SUMF1: variants seen among roughly 807,000 people sequenced by gnomAD.
SUMF1 encodes formylglycine-generating enzyme.
In SUMF1, 48 loss-of-function variants were observed where a neutral mutation model predicts 47.6. That is an observed-to-expected ratio of 1.01 (90% CI 0.80 to 1.28). SUMF1 has a LOEUF of 1.28. Among genes scored for constraint, SUMF1 ranks in the 50% most tolerant of loss-of-function variants. SUMF1 has a pLI of 0.00. For synonymous variants in SUMF1, 230 were observed against 192.1 expected, an observed-to-expected ratio of 1.20 and a Z score of -1.63; for missense variants, 571 against 485.4, an observed-to-expected ratio of 1.18 and a Z score of -1.66.
chr3:4,316,933 A>G, intron 8 of SUMF1: 1 of 1,549,422 alleles, frequency 6.5e-7, no homozygotes, highest in African/African-American at 1.4e-5. Context: ...GTCAACAGAA[A>G]GGGCCCAATT....
intron 1 of SUMF1, among the ~76,000 whole-genome samples, 155 bp downstream of exon 1, chr3:4,466,821 G>A (rs929044347): frequency 2.6e-5 from 4 of 152,292 alleles, no homozygotes; most frequent in South Asian, 2.1e-4. Context: ...GGTGAGGCAC[G>A]GAGAAGGAAC....
At chr3:4,067,048 A>C (rs922712316) in intron 9 of SUMF1, among the ~76,000 whole-genome samples, 1 of 152,114 alleles carries the variant, frequency 6.6e-6, no homozygotes, top group Non-Finnish European at 1.5e-5. Context: ...AGGACCAGTC[A>C]CCTCACTGAA....
chr3:4,175,076 GC>G (rs976171375), intron 8 of SUMF1, among the ~76,000 whole-genome samples: 3 of 152,196 alleles, frequency 2.0e-5, no homozygotes, highest in African/African-American at 4.8e-5. Context: ...AAGGCCTACT[GC>G]CTCTAGACTC....
chr3:4,043,570 T>C (rs1694948745), intron 9 of SUMF1, among the ~76,000 whole-genome samples: 1 of 152,108 alleles, frequency 6.6e-6, no homozygotes, highest in Non-Finnish European at 1.5e-5. Context: ...TTACCATGGC[T>C]CTGGACTTGC....
chr3:4,466,841 G>C (rs1575265676), intron 1 of SUMF1, 135 bp downstream of exon 1: 9 of 1,341,280 alleles, frequency 6.7e-6, no homozygotes, highest in South Asian at 2.9e-5. Flanking sequence ...CTCCTCATAC[G>C]GGAACAGCAG....
chr3:4,463,150 A>C lies in SUMF1; in HGVS notation c.270+3826T>G, dbSNP rs1028751318. 2.6e-5 allele frequency among the ~76,000 whole-genome samples: 4 copies of C among 152,234 alleles called. No homozygotes were observed. The East Asian group carries it at 7.7e-4, about 29-fold the overall frequency. On this transcript the variant is annotated intron_variant, in intron 1 of 8. Transcript: ENST00000272902. Reference sequence around the variant, plus strand: ...GCACGTGGGGGATATAGAGATTAAAACATCTAAAAATGCTTCCAATGTAGA... The same window carrying C: ...GCACGTGGGGGATATAGAGATTAAACCATCTAAAAATGCTTCCAATGTAGA...
chr3:4,098,503 C>G (rs1330972589), intron 8 of SUMF1, among the ~76,000 whole-genome samples: 2 of 152,096 alleles, frequency 1.3e-5, no homozygotes, highest in Non-Finnish European at 2.9e-5. Flanking sequence ...TCTTCTATCT[C>G]CAGACACCAG....
chr3:4,237,987 G>A (rs973792737), intron 8 of SUMF1, among the ~76,000 whole-genome samples: 1 of 151,318 alleles, frequency 6.6e-6, no homozygotes, highest in African/African-American at 2.4e-5. Flanking sequence ...GTTTCCATGT[G>A]TTCTCATTGT....
intron 9 of SUMF1, among the ~76,000 whole-genome samples, chr3:4,036,443 T>C (rs1292123132): frequency 6.6e-6 from 1 of 152,084 alleles, no homozygotes; most frequent in African/African-American, 2.4e-5. Flanking sequence ...GAAAATTTTC[T>C]GTTGACTTTT....
intron 8 of SUMF1, among the ~76,000 whole-genome samples, chr3:4,127,092 A>C (rs990540887): frequency 6.6e-6 from 1 of 152,186 alleles, no homozygotes; most frequent in Non-Finnish European, 1.5e-5. Context: ...ATTTAAGCAA[A>C]TAATAACTAA....
At chr3:4,440,050 A>G (rs995057457) in intron 3 of SUMF1, among the ~76,000 whole-genome samples, 1 of 152,152 alleles carries the variant, frequency 6.6e-6, no homozygotes, top group Non-Finnish European at 1.5e-5. Context: ...CCTAGCCAAC[A>G]TGGTGAAACC....
At chr3:4,165,871 C>A (rs115001176) in intron 8 of SUMF1, among the ~76,000 whole-genome samples, 27,774 of 146,992 alleles carry the variant, frequency 0.19, 3,376 homozygotes, top group Middle Eastern at 0.27. Context: ...TTCCCCCCCC[C>A]CCCCGAGCAA....
chr3:4,465,185 G>A (rs539416078), intron 1 of SUMF1, among the ~76,000 whole-genome samples: 2 of 152,286 alleles, frequency 1.3e-5, no homozygotes, highest in South Asian at 2.1e-4. Flanking sequence ...CTTAGAAAGA[G>A]GGACAGACTG....
intron 8 of SUMF1, among the ~76,000 whole-genome samples, chr3:4,327,203 T>G (rs1254388695): frequency 6.6e-6 from 1 of 152,206 alleles, no homozygotes; most frequent in East Asian, 1.9e-4. Context: ...ATTTCAGTCC[T>G]CTATTAGTTC....
At chr3:4,452,719 C>T (rs1417179948) in intron 2 of SUMF1, among the ~76,000 whole-genome samples, 157 bp downstream of exon 2, 1 of 152,186 alleles carries the variant, frequency 6.6e-6, no homozygotes, top group Non-Finnish European at 1.5e-5. Context: ...CATGGGGTTG[C>T]TGTGAGAAAT....
chr3:4,318,715 C>A (rs1698749845), intron 8 of SUMF1, among the ~76,000 whole-genome samples: 1 of 152,106 alleles, frequency 6.6e-6, no homozygotes, highest in African/African-American at 2.4e-5. Context: ...CAAGACCAGC[C>A]TGGCCAATAT....
chr3:4,454,681 T>A (rs1703094247), intron 1 of SUMF1, among the ~76,000 whole-genome samples: 2 of 152,228 alleles, frequency 1.3e-5, no homozygotes, highest in Admixed American at 1.3e-4. Flanking sequence ...AATCCAAATG[T>A]ATATCAGCTG....
chr3:4,051,019 T>A, intron 9 of SUMF1, among the ~76,000 whole-genome samples: 1 of 151,980 alleles, frequency 6.6e-6, no homozygotes, highest in Non-Finnish European at 1.5e-5. Context: ...TTGTTGATTG[T>A]CTACCCGCTA....
chr3:4,284,449 G>A (rs1041302890), intron 8 of SUMF1, among the ~76,000 whole-genome samples: 1 of 101,160 alleles, frequency 9.9e-6, no homozygotes, highest in South Asian at 5.8e-4. Flanking sequence ...GAAAGGAGGA[G>A]GAGGAGGAGG....
Sources: gnomAD v4.1 joint callset for allele counts (sites outside exome capture counted in the v4.1 genomes callset) on GRCh38, gnomAD v4.1.1 for gene constraint, MANE v1.5 for transcripts, NCBI Gene and HGNC (gene_info 2026-07-23, HGNC 2026-07-21) for gene names.